The following CLIP1 variants were observed in gnomAD, a reference collection of about 807,000 sequenced individuals.
CLIP1 encodes CAP-Gly domain containing linker protein 1.
A neutral mutation model predicts 161.6 loss-of-function variants in CLIP1; 66 were observed. The ratio of observed to expected loss-of-function variants is 0.41; its 90% CI spans 0.33 to 0.50. The LOEUF (loss-of-function observed/expected upper bound fraction) is 0.50, where lower values mean the gene tolerates loss of function less well. CLIP1 is among the 20% of genes least tolerant of loss of function. The pLI, the probability that CLIP1 is intolerant of heterozygous loss-of-function variation, is 0.27. For synonymous variants in CLIP1, 598 were observed against 626.2 expected (o/e 0.96, Z 0.67); for missense variants, 1,376 against 1,702.0 (o/e 0.81, Z 3.37).
At chr12:122,396,162 A>G (rs1490892378) in intron 1 of CLIP1, among the ~76,000 whole-genome samples, 1 of 152,136 alleles carries the variant, frequency 6.6e-6, no homozygotes, top group African/African-American at 2.4e-5. Context: ...AGTAGAAAAT[A>G]AATCATAAAC....
chr12:122,301,841 T>C (rs906310767), intron 20 of CLIP1, among the ~76,000 whole-genome samples: 1 of 152,226 alleles, frequency 6.6e-6, no homozygotes, highest in Non-Finnish European at 1.5e-5. Context: ...AAATTTATCA[T>C]CAAGTGGCTC....
chr12:122,316,483 C>T (rs979171233), intron 19 of CLIP1, among the ~76,000 whole-genome samples: 1 of 152,098 alleles, frequency 6.6e-6, no homozygotes, highest in South Asian at 2.1e-4. Flanking sequence ...GATGGGATTA[C>T]AGGCACGTGC....
intron 17 of CLIP1, among the ~76,000 whole-genome samples, chr12:122,321,822 T>A (rs1194433447): frequency 1.3e-5 from 2 of 152,216 alleles, no homozygotes; most frequent in Non-Finnish European, 2.9e-5. Context: ...CCCAGCCGAA[T>A]TTCACTATTG....
chr12:122,403,499 GTTTTTTTT>G (rs11302150), intron 1 of CLIP1, among the ~76,000 whole-genome samples: 4 of 72,304 alleles, frequency 5.5e-5, no homozygotes, highest in Non-Finnish European at 8.8e-5. Context: ...TTCTTGTTTT[GTTTTTTTT>G]TTTTTTTTTT....
Position 122,275,959 on chromosome 12 carries a change from G to T in CLIP1, c.3967-1797C>A, listed in dbSNP as rs527919194. 18 of 152,634 alleles carry T rather than the reference G, an allele frequency of 1.2e-4. No homozygotes were observed. The South Asian group carries it at 3.7e-3, about 32-fold the overall frequency. 9.5% of individuals were successfully genotyped at this position (152,634 alleles called of 1,614,324 possible). The stretch of plus-strand genomic sequence containing the variant: ...AGAGCTGGGGCAGTGGGGACAACAA[G>T]ATGGCCAACAGGAGGGACCGCTCTT... On this transcript the variant is annotated intron_variant, in intron 24 of 25. Coordinates refer to ENST00000620786, the MANE Select transcript of CLIP1 (RefSeq NM_001247997.2).
At chr12:122,293,792 T>TTTGTTTG (rs1555257582) in intron 20 of CLIP1, among the ~76,000 whole-genome samples, 5 of 136,692 alleles carry the variant, frequency 3.7e-5, no homozygotes, top group African/African-American at 1.2e-4. Flanking sequence ...AATTTGTTTT[T>TTTGTTTG]TTTTTTGTTT....
Position 122,293,508 on chromosome 12 carries a change from C to T in CLIP1, c.3595-4967G>A, listed in dbSNP as rs539529789. 8.2e-4 allele frequency among the ~76,000 whole-genome samples: 123 copies of T among 149,276 alleles called. 1 individual carries two copies. Among genetic ancestry groups the T allele is most frequent in the Non-Finnish European group, 1.3e-3 (87 of 67,418 alleles). ...TCTTTTTTTTTTTGAGACGGAGTTTCGCTCTTGTTGCCCACGCTGGATTGC... is the reference window on the plus strand; with the variant it reads ...TCTTTTTTTTTTTGAGACGGAGTTTTGCTCTTGTTGCCCACGCTGGATTGC... On this transcript the variant is annotated intron_variant, in intron 20 of 25. Coordinates refer to ENST00000620786, the MANE Select transcript of CLIP1 (RefSeq NM_001247997.2).
In CLIP1 at chr12:122,352,804, A is replaced by G. The variant is rs774796831; in HGVS notation, c.1308-18T>C. 3.6e-5 allele frequency: 57 copies of G among 1,605,430 alleles called. No homozygotes were observed. The highest frequency in any genetic ancestry group is 4.9e-5 in the Non-Finnish European group (57 of 1,172,508). ...CAACCTTCCTGTGGAATAAAACCCA[A>G]ACAAAACACTTAAGAAACTAAGTAA... On this transcript the variant is annotated intron_variant, in intron 7 of 25. Transcript: ENST00000620786.
rs894765983 is a variant in CLIP1, at chr12:122,354,718, T to G, written c.1204-162A>C. The G allele has an allele frequency of 5.0e-6, 3 of 601,470 alleles. No individual in the cohort carries two copies. The African/African-American group carries it at 5.6e-5, about 11-fold the overall frequency. 37.3% of individuals were successfully genotyped at this position (601,470 alleles called of 1,614,324 possible). A position where few individuals can be genotyped will look rare whatever the true frequency, so the allele number is the denominator to read the frequency against. On this transcript the variant is annotated intron_variant, in intron 6 of 25. Transcript: ENST00000620786. ...TTTTAATAGGTTATTCTCAACAGCTTTCCTGGAAGATAGATGATGAAAGTG... is the reference window on the plus strand; with the variant it reads ...TTTTAATAGGTTATTCTCAACAGCTGTCCTGGAAGATAGATGATGAAAGTG...
intron 20 of CLIP1, among the ~76,000 whole-genome samples, chr12:122,305,878 G>A (rs1950850918): frequency 6.6e-6 from 1 of 151,646 alleles, no homozygotes; most frequent in Admixed American, 6.6e-5. Flanking sequence ...GATTACCCTG[G>A]GCAACATGAT....
At chr12:122,352,671 C>G in intron 8 of CLIP1, 55 bp downstream of exon 8, 1 of 1,430,886 alleles carries the variant, frequency 7.0e-7, no homozygotes, top group Non-Finnish European at 9.9e-7. Context: ...TTATTTCGCC[C>G]GTGTTCTGAA....
intron 2 of CLIP1, among the ~76,000 whole-genome samples, chr12:122,379,487 G>A (rs761777296): frequency 5.3e-5 from 8 of 151,390 alleles, no homozygotes; most frequent in Admixed American, 3.3e-4. Flanking sequence ...GGTGGAGCGC[G>A]CCTGTAATCC....
At chr12:122,328,504 T>A in intron 15 of CLIP1, 78 bp from the exon 16 acceptor site, 1 of 748,904 alleles carries the variant, frequency 1.3e-6, no homozygotes, top group Non-Finnish European at 1.9e-6. Context: ...AATATACTAT[T>A]AATAATTGTA....
chr12:122,337,928 T>C (rs1156258890), intron 11 of CLIP1, among the ~76,000 whole-genome samples: 2 of 149,794 alleles, frequency 1.3e-5, no homozygotes, highest in Non-Finnish European at 3.0e-5. Flanking sequence ...GGCAGGAGAA[T>C]CGCTTGAACC....
At chr12:122,357,836 G>A (rs1354068280) in intron 5 of CLIP1, among the ~76,000 whole-genome samples, 31 of 148,236 alleles carry the variant, frequency 2.1e-4, no homozygotes, top group Admixed American at 6.0e-4. Context: ...CCCCCCGCCC[G>A]GCCAGCCGCC....
At chr12:122,302,702 A>G (rs1376121613) in intron 20 of CLIP1, among the ~76,000 whole-genome samples, 1 of 151,878 alleles carries the variant, frequency 6.6e-6, no homozygotes, top group Admixed American at 6.6e-5. Context: ...GGTTCAAGCT[A>G]TTCTCCCATG....
At chr12:122,338,147 G>A (rs1051360866) in intron 11 of CLIP1, among the ~76,000 whole-genome samples, 5 of 150,566 alleles carry the variant, frequency 3.3e-5, no homozygotes, top group Non-Finnish European at 7.4e-5. Flanking sequence ...AGACCAGCCC[G>A]GCCAACGTGG....
At chr12:122,390,172 GATATATAT>G (rs71082979) in intron 1 of CLIP1, among the ~76,000 whole-genome samples, 42 of 93,528 alleles carry the variant, frequency 4.5e-4, no homozygotes, top group East Asian at 2.0e-3. Context: ...CACAGTCTCA[GATATATAT>G]ATATATATAT....
At chr12:122,287,972 G>T (rs1955924786) in intron 21 of CLIP1, among the ~76,000 whole-genome samples, 1 of 152,040 alleles carries the variant, frequency 6.6e-6, no homozygotes, top group Admixed American at 6.6e-5. Flanking sequence ...GAAAGCAACT[G>T]AACATGGCTT....
Sources: gnomAD v4.1 joint callset for allele counts (sites outside exome capture counted in the v4.1 genomes callset) on GRCh38, gnomAD v4.1.1 for gene constraint, MANE v1.5 for transcripts, NCBI Gene and HGNC (gene_info 2026-07-23, HGNC 2026-07-21) for gene names.